CWC22: variants seen among roughly 807,000 people sequenced by gnomAD.
CWC22 encodes pre-mRNA-splicing factor CWC22 homolog.
CWC22 carries 53 observed loss-of-function variants against 117.2 expected under a neutral mutation model. The ratio of observed to expected loss-of-function variants is 0.45; its 90% CI spans 0.36 to 0.57. The LOEUF is 0.57. Ranked by LOEUF, CWC22 falls within the 20% of genes least tolerant of loss-of-function variation. The pLI is 0.00. For synonymous variants in CWC22, 360 were observed against 355.6 expected (o/e 1.01, Z -0.14); for missense variants, 980 against 1,068.8 (o/e 0.92, Z 1.16).
intron 13 of CWC22, among the ~76,000 whole-genome samples, chr2:179,960,563 A>C (rs1031937684): frequency 3.3e-5 from 5 of 152,034 alleles, no homozygotes; most frequent in Admixed American, 6.5e-5. Context: ...AAACACCTAA[A>C]GGATACTATA....
chr2:180,002,991 A>C (rs892845467), intron 1 of CWC22, among the ~76,000 whole-genome samples: 2 of 152,218 alleles, frequency 1.3e-5, no homozygotes, highest in Admixed American at 1.3e-4. Context: ...CTACTTAATA[A>C]GTTCCAAGTC....
chr2:179,945,367 A>G lies in CWC22; in HGVS notation c.2489T>C (p.Phe830Ser), dbSNP rs775204384. ...KKKRGERRNS[F>S]SENEKHTHRI... The stretch of plus-strand genomic sequence containing the variant: ...GTGTGTATGCTTCTCATTTTCAGAA[A>G]AAGAATTTCTTCTCTCTCCTCTCTT... Residue 830 changes from phenylalanine to serine, a missense_variant, in exon 20 of 20, where the codon TTT becomes TCT. Around this residue, in one of 3 missense-constraint regions of CWC22, gnomAD observed 306 missense variants for 296.8 expected, o/e 1.03. Transcript: ENST00000410053. 2 of 1,612,502 alleles carry G rather than the reference A, an allele frequency of 1.2e-6. No homozygotes were observed. The highest frequency in any genetic ancestry group is 1.7e-6 in the Non-Finnish European group (2 of 1,179,416).
intron 19 of CWC22, among the ~76,000 whole-genome samples, chr2:179,948,499 C>T (rs1343170254): frequency 6.6e-6 from 1 of 152,164 alleles, no homozygotes; most frequent in African/African-American, 2.4e-5. Flanking sequence ...GACATTTTCA[C>T]AGAGAAAAAT....
At chr2:179,977,340 G>A (rs954258987) in intron 6 of CWC22, among the ~76,000 whole-genome samples, 4 of 152,066 alleles carry the variant, frequency 2.6e-5, no homozygotes, top group Non-Finnish European at 4.4e-5. Context: ...TGTCTGTTGT[G>A]AATAAATGGA....
chr2:179,955,267 T>C (rs1309500463), intron 14 of CWC22, among the ~76,000 whole-genome samples: 1 of 151,976 alleles, frequency 6.6e-6, no homozygotes, highest in Non-Finnish European at 1.5e-5. Flanking sequence ...AATTATAAAA[T>C]TCTAAATTCA....
chr2:179,989,852 C>T (rs183428479), intron 2 of CWC22, among the ~76,000 whole-genome samples: 12 of 152,078 alleles, frequency 7.9e-5, no homozygotes, highest in Admixed American at 6.5e-4. Flanking sequence ...ATTTAACATA[C>T]CTTAATCTTG....
chr2:179,953,533 T>C (rs1686507729), intron 16 of CWC22, among the ~76,000 whole-genome samples: 1 of 152,094 alleles, frequency 6.6e-6, no homozygotes, highest in Non-Finnish European at 1.5e-5. Flanking sequence ...GGAGGGGCCA[T>C]GTATAATTCA....
intron 11 of CWC22, among the ~76,000 whole-genome samples, chr2:179,968,579 T>G (rs568642590): frequency 1.3e-5 from 2 of 152,050 alleles, no homozygotes; most frequent in African/African-American, 4.8e-5. Context: ...TTTTTCTTTT[T>G]TTTTTTGAGA....
chr2:179,979,417 A>G (rs928808999), intron 5 of CWC22, among the ~76,000 whole-genome samples: 7 of 152,192 alleles, frequency 4.6e-5, no homozygotes. Context: ...AAAAAACAAA[A>G]GCTAAACTTT....
chr2:179,955,133 A>T, intron 14 of CWC22, 99 bp from the exon 15 acceptor site: 2 of 881,406 alleles, frequency 2.3e-6, no homozygotes, highest in Admixed American at 4.7e-5. Flanking sequence ...TTTTTAAATA[A>T]GGGTTTAAAA....
intron 1 of CWC22, among the ~76,000 whole-genome samples, chr2:179,996,637 G>C (rs954616087): frequency 6.6e-6 from 1 of 151,888 alleles, no homozygotes; most frequent in African/African-American, 2.4e-5. Context: ...GGTTATCAGA[G>C]GCCAGAAAGG....
At chr2:179,968,109 A>C (rs1046909211) in intron 11 of CWC22, among the ~76,000 whole-genome samples, 8 of 152,206 alleles carry the variant, frequency 5.3e-5, no homozygotes, top group Non-Finnish European at 1.0e-4. Flanking sequence ...GATCTTGATA[A>C]TATTAATGTT....
chr2:179,946,275 C>T (rs1022882815), intron 19 of CWC22, among the ~76,000 whole-genome samples: 1 of 150,932 alleles, frequency 6.6e-6, no homozygotes, highest in African/African-American at 2.5e-5. Context: ...CGTAGCGAAA[C>T]CCCTTCTCTA....
chr2:179,967,222 A>AT (rs1267854084), intron 11 of CWC22, among the ~76,000 whole-genome samples: 9 of 152,098 alleles, frequency 5.9e-5, no homozygotes, highest in African/African-American at 2.2e-4. Context: ...TGCTGGGGCC[A>AT]TTTTTTTATG....
chr2:179,975,110 C>G (rs904075356), intron 6 of CWC22, among the ~76,000 whole-genome samples: 1 of 152,054 alleles, frequency 6.6e-6, no homozygotes, highest in Non-Finnish European at 1.5e-5. Context: ...GAAAACAGCC[C>G]TCAGATTTTA....
rs749998978 is a variant in CWC22, at chr2:179,970,641, C to T, written c.1147+9G>A. On this transcript the variant is annotated intron_variant, in intron 10 of 19. Coordinates refer to ENST00000410053, the MANE Select transcript of CWC22 (RefSeq NM_020943.3). ...AAGCCTCTTTCCAACTAACATGCCC[C>T]GGACTTACTAAGAACATCTTCTGGA... 10 of 1,609,536 alleles carry T rather than the reference C, an allele frequency of 6.2e-6. No homozygotes were observed. Among genetic ancestry groups the T allele is most frequent in the Admixed American group, 3.4e-5 (2 of 59,430 alleles).
intron 11 of CWC22, among the ~76,000 whole-genome samples, chr2:179,966,751 G>T (rs1686901200): frequency 6.6e-6 from 1 of 152,194 alleles, no homozygotes; most frequent in South Asian, 2.1e-4. Flanking sequence ...CTGTTAGCCT[G>T]ATAAAAGACT....
intron 5 of CWC22, among the ~76,000 whole-genome samples, chr2:179,981,311 T>C (rs1211312048): frequency 6.6e-6 from 1 of 152,210 alleles, no homozygotes; most frequent in Non-Finnish European, 1.5e-5. Flanking sequence ...ACAAAATGAC[T>C]CACAGTGTAA....
intron 8 of CWC22, among the ~76,000 whole-genome samples, chr2:179,972,974 A>ACT (rs1687069838): frequency 6.6e-6 from 1 of 151,954 alleles, no homozygotes; most frequent in African/African-American, 2.4e-5. Context: ...GTGCCACTGC[A>ACT]CTCCAGCCTG....
Sources: allele counts gnomAD v4.1 joint callset (sites outside exome capture counted in the v4.1 genomes callset), GRCh38; gene constraint gnomAD v4.1.1; regional missense constraint gnomAD v4.1.1; transcripts MANE v1.5; gene names NCBI Gene and HGNC (gene_info 2026-07-23, HGNC 2026-07-21).